The following AMDHD1 variants were observed in gnomAD, a reference collection of about 807,000 sequenced individuals.
The protein encoded by AMDHD1 is probable imidazolonepropionase.
A neutral mutation model predicts 44.1 loss-of-function variants in AMDHD1; 45 were observed. The ratio of observed to expected loss-of-function variants is 1.02; its 90% confidence interval spans 0.80 to 1.31. AMDHD1 has a LOEUF of 1.31. Ranked by LOEUF, AMDHD1 falls within the 50% of genes most tolerant of loss-of-function variation. The probability of loss-of-function intolerance (pLI) is 0.00; values close to 1 mark genes in which losing one functional copy is unlikely to be tolerated. For missense variants in AMDHD1, 586 were observed against 552.1 expected (o/e 1.06, Z -0.61); for synonymous variants, 206 against 205.0 (o/e 1.00, Z -0.04).
rs746240374 is a variant in AMDHD1 at position 95,965,700 on chromosome 12, G to A, written c.953G>A (p.Arg318Gln). ...TAYMLRLKQP[R>Q]ARKMLDEGVI... The stretch of plus-strand genomic sequence containing the variant: ...CCTCCCCTTAGACTGAAACAACCTC[G>A]AGCCAGGAAGATGTTAGATGAAGGA... Residue 318 changes from arginine to glutamine, a missense_variant, in exon 7 of 9, where the codon CGA becomes CAA. By Grantham distance (43) the Arg-to-Gln change is conservative. Coordinates refer to ENST00000266736, the MANE Select transcript of AMDHD1 (RefSeq NM_152435.3). 57 of 1,612,106 alleles carry A rather than the reference G, an allele frequency of 3.5e-5. No homozygotes were observed. Among genetic ancestry groups the A allele is most frequent in the Middle Eastern group, 1.6e-4 (1 of 6,078 alleles).
At chr12:95,966,893 G>A (rs1441314898) in intron 8 of AMDHD1, among the ~76,000 whole-genome samples, 3 of 152,122 alleles carry the variant, frequency 2.0e-5, no homozygotes, top group East Asian at 1.9e-4. Flanking sequence ...TTCTCATGCC[G>A]ACTGGCTCCC....
chr12:95,954,006 C>T (rs1407275198), intron 2 of AMDHD1, among the ~76,000 whole-genome samples: 3 of 152,136 alleles, frequency 2.0e-5, no homozygotes, highest in African/African-American at 4.8e-5. Context: ...AATAATGAGT[C>T]ATTTAATCCA....
At chr12:95,944,898 C>G (rs1332992404) in intron 1 of AMDHD1, among the ~76,000 whole-genome samples, 1 of 152,134 alleles carries the variant, frequency 6.6e-6, no homozygotes, top group Non-Finnish European at 1.5e-5. Context: ...CTTTGGGAAG[C>G]TGAGGCAGGT....
Position 95,962,427 on chromosome 12 carries a change from G to T in AMDHD1, c.886G>T (p.Ala296Ser). ...EVSDEGIVAM[A>S]TARCSAILLP... ...GAGTGATGAAGGCATCGTTGCCATGGCAACGGCCAGGTGCTCTGCCATCCT... is the reference window on the plus strand; with the variant it reads ...GAGTGATGAAGGCATCGTTGCCATGTCAACGGCCAGGTGCTCTGCCATCCT... Residue 296 changes from alanine (A) to serine (S), a missense_variant, in exon 6 of 9, where the codon GCA (alanine) becomes TCA (serine). Coordinates refer to ENST00000266736, the MANE Select transcript of AMDHD1 (RefSeq NM_152435.3). 1 of 1,613,936 alleles carries T rather than the reference G, an allele frequency of 6.2e-7. No individual in the cohort carries two copies. Among genetic ancestry groups the T allele is most frequent in the Non-Finnish European group, 8.5e-7 (1 of 1,179,914 alleles).
At chr12:95,951,236 C>T (rs2080524649) in intron 1 of AMDHD1, among the ~76,000 whole-genome samples, 1 of 152,122 alleles carries the variant, frequency 6.6e-6, no homozygotes, top group South Asian at 2.1e-4. Context: ...TCTCCTCTCC[C>T]CTTCTATTCT....
intron 6 of AMDHD1, among the ~76,000 whole-genome samples, chr12:95,964,810 A>G (rs1358837939): frequency 2.0e-5 from 3 of 151,634 alleles, no homozygotes; most frequent in Non-Finnish European, 4.4e-5. Flanking sequence ...CTTAAAGAAT[A>G]AAGAATATTT....
chr12:95,966,536 A>ATAT (rs2080612031), intron 8 of AMDHD1, 28 bp downstream of exon 8: 2 of 1,613,226 alleles, frequency 1.2e-6, no homozygotes, highest in Middle Eastern at 1.6e-4. Context: ...TAGCTCTTTT[A>ATAT]TATTATGCCC....
At chr12:95,953,833 G>A (rs1021308349) in intron 2 of AMDHD1, among the ~76,000 whole-genome samples, 9 of 152,062 alleles carry the variant, frequency 5.9e-5, no homozygotes, top group Admixed American at 1.3e-4. Flanking sequence ...TGCTGATCTC[G>A]GTCTCCCAAA....
chr12:95,948,022 G>A (rs1349803857), intron 1 of AMDHD1, among the ~76,000 whole-genome samples: 1 of 108,150 alleles, frequency 9.2e-6, no homozygotes, highest in Non-Finnish European at 1.9e-5. Context: ...CAGCCGCCCT[G>A]TCCGGGAGGG....
At chr12:95,949,564 A>G (rs2080517530) in intron 1 of AMDHD1, among the ~76,000 whole-genome samples, 1 of 152,212 alleles carries the variant, frequency 6.6e-6, no homozygotes, top group Non-Finnish European at 1.5e-5. Context: ...GAAAATACAG[A>G]TGAACAAAAA....
At chr12:95,943,615 A>G in intron 1 of AMDHD1, 80 bp downstream of exon 1, 1 of 1,366,392 alleles carries the variant, frequency 7.3e-7, no homozygotes, top group Non-Finnish European at 9.4e-7. Context: ...CTCTGGAGGG[A>G]AACAACGCCG....
chr12:95,966,394 C>A lies in AMDHD1; in HGVS notation c.1079C>A (p.Pro360His), dbSNP rs17024904. 4,982 of 1,614,196 alleles carry A rather than the reference C, an allele frequency of 3.1e-3. 117 individuals are homozygous for A. The African/African-American group carries it at 0.054, about 18-fold the overall frequency. ...TGTGTAAACATGAGAATGTCCATGC[C>A]TGAGGCCTTGGCCGCTGCCACCATC... ...LACVNMRMSM[P>H]EALAAATINA... The change falls in exon 8 of 9, where the codon CCT (proline) becomes CAT (histidine). Residue 360 changes from proline (P) to histidine (H), a missense_variant. Physicochemically the swap from Pro to His is moderately conservative, Grantham distance 77. Transcript: ENST00000266736.
chr12:95,944,260 C>T (rs992865349), intron 1 of AMDHD1, among the ~76,000 whole-genome samples: 2 of 152,078 alleles, frequency 1.3e-5, no homozygotes, highest in South Asian at 2.1e-4. Context: ...AAACTGACCA[C>T]GGCTTATCTG....
intron 3 of AMDHD1, among the ~76,000 whole-genome samples, chr12:95,956,082 C>T (rs2080547777): frequency 7.3e-6 from 1 of 136,138 alleles, no homozygotes; most frequent in Admixed American, 7.6e-5. Context: ...TATTGCAATA[C>T]TCCTGTGCCA....
At chr12:95,962,271 A>AC in intron 5 of AMDHD1, 84 bp from the exon 6 acceptor site, 1 of 1,381,718 alleles carries the variant, frequency 7.2e-7, no homozygotes, top group South Asian at 1.3e-5. Context: ...CTCAAAAATA[A>AC]AACAAACAAA....
chr12:95,954,573 T>TAAATAAAATG (rs2080540937), intron 2 of AMDHD1, among the ~76,000 whole-genome samples: 1 of 147,096 alleles, frequency 6.8e-6, no homozygotes, highest in Non-Finnish European at 1.5e-5. Context: ...TTCTCAAAAA[T>TAAATAAAATG]AAATAAAATA....
intron 1 of AMDHD1, among the ~76,000 whole-genome samples, chr12:95,945,787 T>TAC (rs2136756902): frequency 6.6e-6 from 1 of 151,984 alleles, no homozygotes; most frequent in East Asian, 1.9e-4. Context: ...GTGTGTGTTT[T>TAC]TTTTTTTCCC....
chr12:95,961,500 G>A (rs578176078), intron 5 of AMDHD1, among the ~76,000 whole-genome samples: 3 of 152,306 alleles, frequency 2.0e-5, no homozygotes, highest in Non-Finnish European at 2.9e-5. Context: ...TAAAGCCTGA[G>A]ACCTAAATAA....
Position 95,968,307 on chromosome 12 carries a change from C to A in AMDHD1, c.*464C>A, listed in dbSNP as rs1020528685. On this transcript the variant is annotated 3_prime_UTR_variant, in exon 9 of 9. Transcript: ENST00000266736. ...CTGTTAAGCAAATAGTATTTCCTTT[C>A]CCCAAGTAGTTCATTTTCTAGATGC... is the stretch of plus-strand genomic sequence containing the variant. The A allele has an allele frequency of 9.7e-5, 15 of 155,398 alleles. No homozygotes were observed. Among genetic ancestry groups the A allele is most frequent in the Admixed American group, 5.9e-4 (9 of 15,354 alleles). The allele number at this position is 155,398 out of a possible 1,614,324, so 9.6% of individuals were successfully genotyped here.
Sources: allele counts gnomAD v4.1 joint callset (sites outside exome capture counted in the v4.1 genomes callset), GRCh38; gene constraint gnomAD v4.1.1; transcripts MANE v1.5; gene names NCBI Gene and HGNC (gene_info 2026-07-23, HGNC 2026-07-21).